SPHKAP: variants seen among roughly 807,000 people sequenced by gnomAD.
SPHKAP encodes the protein SPHK1 interactor, AKAP domain containing, also known as A-kinase anchor protein SPHKAP.
In SPHKAP, 67 loss-of-function variants were observed where a neutral mutation model predicts 137.5. The observed-to-expected ratio is 0.49, with a 90% CI of 0.40 to 0.60. The LOEUF is 0.60. Among genes scored for constraint, SPHKAP ranks in the 20% least tolerant of loss-of-function variants. The pLI, the probability that SPHKAP is intolerant of heterozygous loss-of-function variation, is 0.00. For synonymous variants in SPHKAP, 813 were observed against 785.3 expected (o/e 1.04, Z -0.59); for missense variants, 2,097 against 2,069.3 (o/e 1.01, Z -0.26).
intron 2 of SPHKAP, among the ~76,000 whole-genome samples, chr2:228,130,365 G>T (rs770869853): frequency 6.6e-6 from 1 of 152,200 alleles, no homozygotes; most frequent in Non-Finnish European, 1.5e-5. Flanking sequence ...TGCATGAAGT[G>T]TGCCAAGCAC....
At chr2:228,004,139 C>A (rs1694029265) in intron 7 of SPHKAP, among the ~76,000 whole-genome samples, 1 of 152,162 alleles carries the variant, frequency 6.6e-6, no homozygotes, top group Non-Finnish European at 1.5e-5. Flanking sequence ...AAGATTGGTA[C>A]CAGCTCCTCC....
At chr2:228,061,792 A>C (rs1696645081) in intron 3 of SPHKAP, among the ~76,000 whole-genome samples, 1 of 152,002 alleles carries the variant, frequency 6.6e-6, no homozygotes, top group Non-Finnish European at 1.5e-5. Flanking sequence ...TTTTGAAAAC[A>C]ACATTAGCTG....
chr2:228,141,705 C>T (rs926101962), intron 1 of SPHKAP, among the ~76,000 whole-genome samples: 2 of 152,016 alleles, frequency 1.3e-5, no homozygotes, highest in African/African-American at 4.8e-5. Context: ...AAAGATGCAG[C>T]CTGTTCATGC....
At chr2:227,987,727 G>A (rs1693264173) in intron 11 of SPHKAP, among the ~76,000 whole-genome samples, 1 of 152,152 alleles carries the variant, frequency 6.6e-6, no homozygotes, top group East Asian at 1.9e-4. Flanking sequence ...CAAGTTCCTG[G>A]GCAGTGGTGG....
intron 2 of SPHKAP, among the ~76,000 whole-genome samples, chr2:228,114,046 A>G (rs1698621157): frequency 6.6e-6 from 1 of 152,146 alleles, no homozygotes; most frequent in South Asian, 2.1e-4. Context: ...AGCTTTATGA[A>G]TATATTCTCC....
At chr2:228,110,074 TGAC>T (rs766324093) in intron 2 of SPHKAP, among the ~76,000 whole-genome samples, 29 of 152,138 alleles carry the variant, frequency 1.9e-4, no homozygotes, top group South Asian at 8.3e-4. Flanking sequence ...TGCTAATACT[TGAC>T]TACTACTTTC....
At chr2:228,109,791 C>T (rs13409828) in intron 2 of SPHKAP, among the ~76,000 whole-genome samples, 52,250 of 151,420 alleles carry the variant, frequency 0.35, 9,272 homozygotes, top group East Asian at 0.5. Flanking sequence ...CATGGTGGGA[C>T]CTCGTTTCTA....
At chr2:228,032,291 GATGAAATGA>G (rs1391959567) in intron 3 of SPHKAP, among the ~76,000 whole-genome samples, 1 of 152,102 alleles carries the variant, frequency 6.6e-6, no homozygotes, top group African/African-American at 2.4e-5. Context: ...ATTGATGGAA[GATGAAATGA>G]ATGAAATGAA....
chr2:228,093,871 A>C (rs887404056), intron 3 of SPHKAP, among the ~76,000 whole-genome samples: 5 of 150,602 alleles, frequency 3.3e-5, no homozygotes, highest in Non-Finnish European at 5.9e-5. Flanking sequence ...AAAAAAAAAA[A>C]AAAAAAAAAA....
At chr2:228,164,158 G>A (rs897419678) in intron 1 of SPHKAP, among the ~76,000 whole-genome samples, 10 of 152,232 alleles carry the variant, frequency 6.6e-5, no homozygotes, top group Admixed American at 6.5e-4. Context: ...GCTTCCTTCT[G>A]CCCTTGGACA....
intron 3 of SPHKAP, among the ~76,000 whole-genome samples, chr2:228,033,730 C>G (rs1695454133): frequency 6.6e-6 from 1 of 152,188 alleles, no homozygotes; most frequent in South Asian, 2.1e-4. Flanking sequence ...GAAACTCACT[C>G]AAAACCACTC....
chr2:228,027,430 A>C, intron 4 of SPHKAP, 54 bp downstream of exon 4: 3 of 1,557,376 alleles, frequency 1.9e-6, no homozygotes, highest in East Asian at 2.2e-5. Context: ...AGATGAAATC[A>C]AGTTGAATAG....
intron 1 of SPHKAP, among the ~76,000 whole-genome samples, chr2:228,149,949 G>A (rs1699882223): frequency 1.3e-5 from 2 of 151,804 alleles, no homozygotes; most frequent in African/African-American, 4.8e-5. Context: ...TTACTGCTTT[G>A]GCTAGGACCT....
rs181992938 is a variant in SPHKAP at position 228,026,744 on chromosome 2, A to G, written c.306+740T>C. 3.4e-3 allele frequency among the ~76,000 whole-genome samples: 514 copies of G among 152,346 alleles called. 2 individuals carry two copies. Among genetic ancestry groups the G allele is most frequent in the Middle Eastern group, 0.014 (4 of 294 alleles). ...GGGGCTCGGTGAAAATTTGTAATCA[A>G]TTAGCTGTGTGGGAAACTGGGTTTG... On this transcript the variant is annotated intron_variant, in intron 4 of 11. Coordinates refer to ENST00000392056, the MANE Select transcript of SPHKAP (RefSeq NM_001142644.2).
At chr2:228,165,422 G>T (rs1700395711) in intron 1 of SPHKAP, among the ~76,000 whole-genome samples, 1 of 152,130 alleles carries the variant, frequency 6.6e-6, no homozygotes, top group Admixed American at 6.6e-5. Context: ...ACACCGTTTG[G>T]TGCCTTTCAT....
chr2:228,016,798 A>G lies in SPHKAP; in HGVS notation c.4056T>C (p.Ala1352=), dbSNP rs370743978. ...SQAEKCANRL[A]ASRMCSGPTL... ...TTGGCCCACTGCACATCCTGCTCGC[A>G]GCTAATCTATTTGCACACTTCTCTG... The change falls in exon 7 of 12, where the codon GCT becomes GCC. Residue 1352 remains alanine (A), a synonymous_variant. Coordinates refer to ENST00000392056, the MANE Select transcript of SPHKAP (RefSeq NM_001142644.2). 124 of 1,613,938 alleles carry G rather than the reference A, an allele frequency of 7.7e-5. 2 individuals carry two copies. The highest frequency in any genetic ancestry group is 6.9e-4 in the East Asian group (31 of 44,878).
At chr2:228,175,432 A>G (rs1476641258) in intron 1 of SPHKAP, among the ~76,000 whole-genome samples, 2 of 152,196 alleles carry the variant, frequency 1.3e-5, no homozygotes, top group Admixed American at 1.3e-4. Flanking sequence ...TGGAATGTAT[A>G]CTTGTAAAAA....
At chr2:228,077,274 G>A (rs1697216305) in intron 3 of SPHKAP, among the ~76,000 whole-genome samples, 1 of 152,184 alleles carries the variant, frequency 6.6e-6, no homozygotes, top group South Asian at 2.1e-4. Flanking sequence ...ACCACCTAGT[G>A]GAGCTGTGAG....
intron 5 of SPHKAP, among the ~76,000 whole-genome samples, chr2:228,024,342 GTTTTTTT>G (rs56031418): frequency 8.0e-6 from 1 of 124,542 alleles, no homozygotes; most frequent in African/African-American, 3.1e-5. Context: ...TGCAGAGGCA[GTTTTTTT>G]TTTTTTTTTT....
Sources: gnomAD v4.1 joint callset for allele counts (sites outside exome capture counted in the v4.1 genomes callset) on GRCh38, gnomAD v4.1.1 for gene constraint, MANE v1.5 for transcripts, NCBI Gene and HGNC (gene_info 2026-07-23, HGNC 2026-07-21) for gene names.